Variants in CREBZF observed in about 807,000 individuals in gnomAD.
The protein encoded by CREBZF is HCF-binding transcription factor Zhangfei.
A neutral mutation model predicts 21.1 loss-of-function variants in CREBZF; 8 were observed. The observed-to-expected ratio is 0.38, with a 90% CI of 0.22 to 0.68. CREBZF has a LOEUF of 0.68. Among genes scored for constraint, CREBZF ranks in the 30% least tolerant of loss-of-function variants. The probability of loss-of-function intolerance (pLI) is 0.51; values close to 1 mark genes in which losing one functional copy is unlikely to be tolerated. For missense variants in CREBZF, 518 were observed against 484.3 expected (o/e 1.07, Z -0.65); for synonymous variants, 270 against 223.3 (o/e 1.21, Z -1.86).
chr11:85,664,943 C>G lies in CREBZF; in HGVS notation c.-68G>C, dbSNP rs1054015183. ...TGGGCCTCACGGGCCCCAAGGATCC[C>G]AGGCCCCAGGGCGGGTAGCCCCCGG... On this transcript the variant is annotated 5_prime_UTR_variant, in exon 1 of 1. Transcript: ENST00000527447. This position sits in a 1 kb window ranked among gnomAD's most constrained non-coding sequence, Gnocchi z 5.5. 4 of 1,185,444 alleles carry G rather than the reference C, an allele frequency of 3.4e-6. No homozygotes were observed. The highest frequency in any genetic ancestry group is 4.5e-6 in the Non-Finnish European group (4 of 896,664). The allele number at this position is 1,185,444 out of a possible 1,614,324, so 73.4% of individuals were successfully genotyped here.
Position 85,659,974 on chromosome 11 carries a change from TTAAC to T in CREBZF, c.*3833_*3836del, listed in dbSNP as rs1253499440. ...TCCTGGTTGTTACCCTAAATTGTAA[TTAAC>T]TACCCACACATTTAATCATAATCAA... On this transcript the variant is annotated 3_prime_UTR_variant, in exon 1 of 1. Transcript: ENST00000527447. 6.6e-6 allele frequency: 1 copy of T among 152,232 alleles called. No individual in the cohort carries two copies. The allele number at this position is 152,232 out of a possible 1,614,324, so 9.4% of individuals were successfully genotyped here. A position where few individuals can be genotyped will look rare whatever the true frequency, so the allele number is the denominator to read the frequency against.
chr11:85,675,509 C>A (rs2082936565), intron 1 of CREBZF, among the ~76,000 whole-genome samples: 1 of 152,002 alleles, frequency 6.6e-6, no homozygotes, highest in African/African-American at 2.4e-5. Flanking sequence ...GTTCATAGCA[C>A]CCCCAAACAA....
upstream of CREBZF, among the ~76,000 whole-genome samples, chr11:85,668,819 G>A (rs1386615117): frequency 2.0e-5 from 3 of 150,786 alleles, no homozygotes; most frequent in African/African-American, 4.9e-5. Flanking sequence ...TGGCTAACAC[G>A]GTGAAACCCC....
upstream of CREBZF, among the ~76,000 whole-genome samples, chr11:85,665,719 G>C (rs1334880101): frequency 2.0e-5 from 3 of 151,998 alleles, no homozygotes; most frequent in Non-Finnish European, 4.4e-5. Flanking sequence ...TACAAAAATT[G>C]TCTTCAGTTG....
At chr11:85,676,021 C>T (rs373887019) in intron 1 of CREBZF, among the ~76,000 whole-genome samples, 6 of 152,168 alleles carry the variant, frequency 3.9e-5, no homozygotes, top group South Asian at 2.1e-4. Flanking sequence ...CGTTTCTGAA[C>T]GCAACTGAAT....
Position 85,663,819 on chromosome 11 carries a change from T to C in CREBZF, c.1057A>G (p.Lys353Glu). The change falls in exon 1 of 1, where the codon AAA becomes GAA. Residue 353 changes from lysine (K) to glutamate (E), a missense_variant. Around this residue, in one of 3 missense-constraint regions of CREBZF, gnomAD observed 114 missense variants for 134.1 expected, o/e 0.85. Coordinates refer to ENST00000527447, the MANE Select transcript of CREBZF (RefSeq NM_001039618.4). ...ACARKASSSLKM is the reference protein window; with the variant it reads ...ACARKASSSLEM ...GAGCAGATTACTTGACCCTACATTT[T>C]AAGAGAAGACGACGCCTTCCGGGCG... 3 of 1,599,136 alleles carry C rather than the reference T, an allele frequency of 1.9e-6. No homozygotes were observed. The highest frequency in any genetic ancestry group is 2.6e-6 in the Non-Finnish European group (3 of 1,175,116).
Position 85,664,809 on chromosome 11 carries a change from G to A in CREBZF, c.67C>T (p.Pro23Ser), listed in dbSNP as rs746485582. 6.4e-7 allele frequency: 1 copy of A among 1,568,006 alleles called. No individual in the cohort carries two copies. The highest frequency in any genetic ancestry group is 2.3e-5 in the East Asian group (1 of 44,376). The change falls in exon 1 of 1, where the codon CCG becomes TCG. Residue 23 changes from proline to serine, a missense_variant. Coordinates refer to ENST00000527447, the MANE Select transcript of CREBZF (RefSeq NM_001039618.4). This position sits in a 1 kb window ranked among gnomAD's most constrained non-coding sequence, Gnocchi z 5.5. ...GSNSPTRSES[P>S]EPAATCSLPS... ...AGCGAACAAGTTGCAGCCGGCTCCG[G>A]GCTCTCACTGCGGGTTGGGGAGTTG...
At chr11:85,675,695 T>C (rs1055433330) in intron 1 of CREBZF, among the ~76,000 whole-genome samples, 3 of 152,114 alleles carry the variant, frequency 2.0e-5, no homozygotes, top group Non-Finnish European at 2.9e-5. Flanking sequence ...AACCTTCGAT[T>C]TGTAAAAAAT....
Position 85,663,807 on chromosome 11 carries a change from G to A in CREBZF, c.*4C>T. 1.9e-6 allele frequency: 3 copies of A among 1,593,766 alleles called. No homozygotes were observed. The highest frequency in any genetic ancestry group is 2.6e-6 in the Non-Finnish European group (3 of 1,172,540). On this transcript the variant is annotated 3_prime_UTR_variant, in exon 1 of 1. Transcript: ENST00000527447. Reference sequence around the variant, plus strand: ...AACGCGGATAAAGAGCAGATTACTTGACCCTACATTTTAAGAGAAGACGAC... The same window carrying A: ...AACGCGGATAAAGAGCAGATTACTTAACCCTACATTTTAAGAGAAGACGAC...
Position 85,662,301 on chromosome 11 carries a change from G to A in CREBZF, c.*1510C>T, listed in dbSNP as rs200747138. On this transcript the variant is annotated 3_prime_UTR_variant, in exon 1 of 1. Coordinates refer to ENST00000527447, the MANE Select transcript of CREBZF (RefSeq NM_001039618.4). ...AGATAACTTACATCTTTGGACTGCT[G>A]GAAAATACTTTTTAATTATGAACAT... The A allele has an allele frequency of 6.0e-6, 4 of 662,052 alleles. No individual in the cohort carries two copies. The highest frequency in any genetic ancestry group is 1.1e-5 in the Non-Finnish European group (4 of 355,308). 41.0% of individuals were successfully genotyped at this position (662,052 alleles called of 1,614,324 possible).
rs369479608 is a variant in CREBZF at position 85,663,116 on chromosome 11, T to C, written c.*695A>G. The C allele has an allele frequency of 1.1e-5, 2 of 189,474 alleles. No individual in the cohort carries two copies. The highest frequency in any genetic ancestry group is 2.2e-5 in the Non-Finnish European group (2 of 90,206). 11.7% of individuals were successfully genotyped at this position (189,474 alleles called of 1,614,324 possible). On this transcript the variant is annotated 3_prime_UTR_variant, in exon 1 of 1. Coordinates refer to ENST00000527447, the MANE Select transcript of CREBZF (RefSeq NM_001039618.4). ...TACTTAACTGTCAACCTCTGAAAAG[T>C]TGCCCTAAAATCGGAATTCCAATTT...
At chr11:85,680,816 A>G (rs1397915559) in intron 1 of CREBZF, among the ~76,000 whole-genome samples, 9 of 152,368 alleles carry the variant, frequency 5.9e-5, no homozygotes, top group Admixed American at 5.9e-4. Context: ...GTGATTAAGG[A>G]TTTAAAAAGG....
At chr11:85,682,591 T>TCCCTCTCTC in intron 1 of CREBZF, 1 of 466,316 alleles carries the variant, frequency 2.1e-6, no homozygotes, top group South Asian at 2.2e-5. Flanking sequence ...CACGCGCCCC[T>TCCCTCTCTC]ACCCCCTGCC....
chr11:85,664,786 C>A lies in CREBZF; in HGVS notation c.90G>T (p.Ser30=). The change falls in exon 1 of 1, where the codon TCG becomes TCT. Residue 30 remains serine, a synonymous_variant. Coordinates refer to ENST00000527447, the MANE Select transcript of CREBZF (RefSeq NM_001039618.4). This position sits in a 1 kb window ranked among gnomAD's most constrained non-coding sequence, Gnocchi z 5.5. The part of the protein sequence containing the change: ...SESPEPAATC[S]LPSDLTRAAA... ...CAGCCCGGGTCAGGTCAGAGGGCAG[C>A]GAACAAGTTGCAGCCGGCTCCGGGC... The A allele has an allele frequency of 6.3e-7, 1 of 1,584,694 alleles. No individual in the cohort carries two copies. Among genetic ancestry groups the A allele is most frequent in the Non-Finnish European group, 8.5e-7 (1 of 1,169,790 alleles).
In CREBZF at chr11:85,660,672, T is replaced by G. The variant is rs1046104298; in HGVS notation, c.*3139A>C. 2.2e-6 allele frequency: 1 copy of G among 445,634 alleles called. No homozygotes were observed. Among genetic ancestry groups the G allele is most frequent in the Non-Finnish European group, 4.5e-6 (1 of 223,424 alleles). 27.6% of individuals were successfully genotyped at this position (445,634 alleles called of 1,614,324 possible). A position where few individuals can be genotyped will look rare whatever the true frequency, so the allele number is the denominator to read the frequency against. ...AAATATTTAAAATATTTTGAACACT[T>G]CTTGTTGGATTATATCAGAGGTGTG... On this transcript the variant is annotated 3_prime_UTR_variant, in exon 1 of 1. Transcript: ENST00000527447.
At chr11:85,674,580 C>A (rs942801067) in intron 1 of CREBZF, among the ~76,000 whole-genome samples, 1 of 152,178 alleles carries the variant, frequency 6.6e-6, no homozygotes, top group Non-Finnish European at 1.5e-5. Context: ...TGCATTAGCC[C>A]ATTAGCCCCT....
In CREBZF at chr11:85,664,175, C is replaced by T; in HGVS notation, c.701G>A (p.Ser234Asn). 1.2e-6 allele frequency: 2 copies of T among 1,613,510 alleles called. 1 individual carries two copies. Residue 234 changes from serine (S) to asparagine (N), a missense_variant, in exon 1 of 1, where the codon AGT becomes AAT. By Grantham distance (46) the Ser-to-Asn change is conservative. This residue lies in a region of CREBZF where 396 missense variants were observed against 324.4 expected (regional missense o/e 1.22). Transcript: ENST00000527447. This position sits in a 1 kb window ranked among gnomAD's most constrained non-coding sequence, Gnocchi z 5.5. ...CTCGGCTGCCAGACCCCGGACTCGA[C>T]TCTCCAGCCCCATCACGTACTCCTT... is the stretch of plus-strand genomic sequence containing the variant. ...KKKEYVMGLE[S>N]RVRGLAAENQ... is the part of the protein sequence containing the mutation.
intron 1 of CREBZF, chr11:85,682,715 A>T: frequency 1.5e-6 from 1 of 686,068 alleles, no homozygotes; most frequent in Non-Finnish European, 2.6e-6. Flanking sequence ...CGGGATTCAT[A>T]CCCAAACGGC....
chr11:85,667,927 G>A (rs1057358059), upstream of CREBZF, among the ~76,000 whole-genome samples: 20 of 151,574 alleles, frequency 1.3e-4, no homozygotes, highest in African/African-American at 4.4e-4. Context: ...CCAAGATCAC[G>A]CCATTGCACT....
Sources: gnomAD v4.1 joint callset for allele counts (sites outside exome capture counted in the v4.1 genomes callset) on GRCh38, gnomAD v4.1.1 for gene constraint, gnomAD v4.1.1 regional missense constraint, Gnocchi (gnomAD v3.1) non-coding constraint, MANE v1.5 for transcripts, NCBI Gene and HGNC (gene_info 2026-07-23, HGNC 2026-07-21) for gene names.